Variants in PDXDC1 observed in about 807,000 individuals in gnomAD.
PDXDC1 encodes pyridoxal dependent decarboxylase domain containing 1, also known as pyridoxal-dependent decarboxylase domain-containing protein 1.
A neutral mutation model predicts 100.1 loss-of-function variants in PDXDC1; 42 were observed. The observed-to-expected ratio is 0.42, with a 90% CI of 0.33 to 0.54. PDXDC1 has a LOEUF of 0.54. Among genes scored for constraint, PDXDC1 ranks in the 20% least tolerant of loss-of-function variants. PDXDC1 has a pLI of 0.10. For synonymous variants in PDXDC1, 260 were observed against 371.7 expected (o/e 0.70, Z 3.46); for missense variants, 636 against 979.2 (o/e 0.65, Z 4.68).
chr16:15,102,350 G>C (rs545646834), intron 16 of PDXDC1, among the ~76,000 whole-genome samples: 1 of 152,270 alleles, frequency 6.6e-6, no homozygotes, highest in South Asian at 2.1e-4. Flanking sequence ...TTTTACGAGA[G>C]GGTGTAGCCT....
At chr16:14,974,971 C>G (rs1383070794), upstream of PDXDC1, 1 of 1,535,134 alleles carries the variant, frequency 6.5e-7, no homozygotes, top group South Asian at 1.2e-5. Flanking sequence ...GCGTGGCGCC[C>G]AGGTACGGAA....
chr16:14,990,743 A>AT (rs1970590382), intron 1 of PDXDC1, among the ~76,000 whole-genome samples: 1 of 152,266 alleles, frequency 6.6e-6, no homozygotes, highest in African/African-American at 2.4e-5. Context: ...TGATTTATTT[A>AT]TTTTTATTTA....
At chr16:15,070,764 G>A (rs1474731297) in intron 16 of PDXDC1, among the ~76,000 whole-genome samples, 1 of 151,650 alleles carries the variant, frequency 6.6e-6, no homozygotes, top group African/African-American at 2.4e-5. Flanking sequence ...ACCTTTAAAA[G>A]GGTTTTTCTT....
rs1302703024 is a variant in PDXDC1, at chr16:15,135,310, G to C, written c.1400-3569G>C. 1.7e-5 allele frequency: 26 copies of C among 1,526,820 alleles called. No homozygotes were observed. The East Asian group carries it at 6.1e-4, about 36-fold the overall frequency. The allele number at this position is 1,526,820 out of a possible 1,614,324, so 94.6% of individuals were successfully genotyped here. ...GGTTGGTGGCCTCCTCCTTGCGGCC[G>C]GCCTTCCACACGGTGAGGCTGAAGG... On this transcript the variant is annotated intron_variant, in intron 16 of 16. Coordinates refer to the PDXDC1 transcript ENST00000535621.
At chr16:15,072,245 CAAA>C (rs55852324) in intron 16 of PDXDC1, among the ~76,000 whole-genome samples, 91 of 133,422 alleles carry the variant, frequency 6.8e-4, no homozygotes, top group Non-Finnish European at 9.3e-4. Flanking sequence ...TTTCCCCCAC[CAAA>C]AAAAAAAAAA....
Position 15,111,153 on chromosome 16 carries a change from CACAA to C in PDXDC1, c.1400-27724_1400-27721del, listed in dbSNP as rs1056252302. Among the ~76,000 whole-genome samples, 33 of 126,078 alleles carry C rather than the reference CACAA, an allele frequency of 2.6e-4. 2 individuals are homozygous for C. The highest frequency in any genetic ancestry group is 2.6e-4 in the South Asian group (1 of 3,788). The allele number at this position is 126,078 out of a possible 152,430, so 82.7% of individuals were successfully genotyped here. ...ACACACACACACACACACACACACA[CACAA>C]AACACACAAGAATGACGAGGCTGGC... On this transcript the variant is annotated intron_variant, in intron 16 of 16. Transcript: ENST00000535621.
intron 12 of PDXDC1, among the ~76,000 whole-genome samples, chr16:15,020,651 T>C (rs2042122706): frequency 6.6e-6 from 1 of 151,588 alleles, no homozygotes; most frequent in African/African-American, 2.4e-5. Flanking sequence ...ATTGCGCCAC[T>C]GCACTCCAGC....
At chr16:15,023,622 G>A (rs1165917634) in intron 13 of PDXDC1, among the ~76,000 whole-genome samples, 5 of 152,266 alleles carry the variant, frequency 3.3e-5, no homozygotes, top group Admixed American at 6.5e-5. Context: ...TTGCGCCTCT[G>A]CACTCCAGCC....
Position 15,028,898 on chromosome 16 carries a change from C to T in PDXDC1, c.1225C>T (p.Pro409Ser). 6.2e-7 allele frequency: 1 copy of T among 1,613,994 alleles called. No individual in the cohort carries two copies. Among genetic ancestry groups the T allele is most frequent in the Non-Finnish European group, 8.5e-7 (1 of 1,180,032 alleles). The change falls in exon 15 of 23, where the codon CCA becomes TCA. Residue 409 changes from proline to serine, a missense_variant. By Grantham distance (74) the Pro-to-Ser change is moderately conservative. Coordinates refer to ENST00000396410, the MANE Select transcript of PDXDC1 (RefSeq NM_015027.4). ...PGSDPVFKAV[P>S]VPNMTPSGVG... ...GTCAGATCCGGTGTTTAAAGCCGTC[C>T]CAGTGCCCAACATGACACCTTCAGG...
intron 16 of PDXDC1, among the ~76,000 whole-genome samples, chr16:15,055,091 G>A (rs1246622306): frequency 6.6e-6 from 1 of 152,042 alleles, no homozygotes; most frequent in East Asian, 1.9e-4. Context: ...AGATATTAGG[G>A]GCTCGATATT....
chr16:15,100,754 G>T (rs888179536), intron 16 of PDXDC1, among the ~76,000 whole-genome samples: 8 of 152,194 alleles, frequency 5.3e-5, no homozygotes, highest in Non-Finnish European at 1.2e-4. Context: ...TGAGGCAGGA[G>T]AATTGCTTGA....
intron 1 of PDXDC1, among the ~76,000 whole-genome samples, chr16:14,976,024 C>T (rs971729277): frequency 6.6e-6 from 1 of 152,308 alleles, no homozygotes; most frequent in African/African-American, 2.4e-5. Flanking sequence ...CCTCTGGTTT[C>T]CCCTTGGGGG....
chr16:15,038,148 C>G lies in PDXDC1; in HGVS notation c.*1873C>G. 3.1e-6 allele frequency: 5 copies of G among 1,613,160 alleles called. No homozygotes were observed. Among genetic ancestry groups the G allele is most frequent in the Middle Eastern group, 1.7e-4 (1 of 6,060 alleles). On this transcript the variant is annotated 3_prime_UTR_variant, in exon 23 of 23. Coordinates refer to ENST00000396410, the MANE Select transcript of PDXDC1 (RefSeq NM_015027.4). ...GAGATGGGTGTTTTTTTAAAAACAT[C>G]AAGGTAGATCTAATATGTTCAACAA...
intron 16 of PDXDC1, among the ~76,000 whole-genome samples, chr16:15,072,146 G>A (rs1196354606): frequency 6.6e-6 from 1 of 151,258 alleles, no homozygotes; most frequent in Non-Finnish European, 1.5e-5. Context: ...TGGGCAGACT[G>A]AATTCAACCT....
At chr16:14,995,047 C>T (rs1179841293) in intron 1 of PDXDC1, among the ~76,000 whole-genome samples, 1 of 152,294 alleles carries the variant, frequency 6.6e-6, no homozygotes, top group African/African-American at 2.4e-5. Context: ...TGGGCTGAGA[C>T]GATGGGGTTT....
chr16:15,037,116 C>G lies in PDXDC1; in HGVS notation c.*841C>G, dbSNP rs868483276. ...TGGTTAAAATCTGAAAACAAGTACC[C>G]CTTTGACCTGTCTCCCACTGAAGCT... On this transcript the variant is annotated 3_prime_UTR_variant, in exon 23 of 23. Coordinates refer to ENST00000396410, the MANE Select transcript of PDXDC1 (RefSeq NM_015027.4). The G allele has an allele frequency of 6.6e-6, 1 of 152,322 alleles. No homozygotes were observed. The highest frequency in any genetic ancestry group is 3.4e-3 in the Middle Eastern group (1 of 294). The allele number at this position is 152,322 out of a possible 1,614,324, so 9.4% of individuals were successfully genotyped here. A position where few individuals can be genotyped will look rare whatever the true frequency, so the allele number is the denominator to read the frequency against.
intron 16 of PDXDC1, among the ~76,000 whole-genome samples, chr16:15,056,434 T>A (rs1406006996): frequency 6.6e-6 from 1 of 152,198 alleles, no homozygotes; most frequent in East Asian, 1.9e-4. Context: ...AAGCTTGAGT[T>A]TGGGACCCTG....
At chr16:15,094,187 G>A in intron 16 of PDXDC1, 1 of 1,601,626 alleles carries the variant, frequency 6.2e-7, no homozygotes, top group Admixed American at 1.7e-5. Flanking sequence ...AGAGGACGAA[G>A]CGGCCGCATC....
intron 16 of PDXDC1, chr16:15,137,794 G>C (rs2048397001): frequency 3.2e-6 from 5 of 1,578,064 alleles, no homozygotes; most frequent in Middle Eastern, 2.3e-4. Flanking sequence ...GCAGAGGCTG[G>C]CCAGCCAGGG....
Sources: gnomAD v4.1 joint callset for allele counts (sites outside exome capture counted in the v4.1 genomes callset) on GRCh38, gnomAD v4.1.1 for gene constraint, MANE v1.5 for transcripts, NCBI Gene and HGNC (gene_info 2026-07-23, HGNC 2026-07-21) for gene names.